Variants in IKBKB-DT observed in about 807,000 individuals in gnomAD.
IKBKB-DT encodes IKBKB antisense RNA.
chr8:42,252,944 C>A (rs1020860298), intron 3 of IKBKB-DT, among the ~76,000 whole-genome samples: 1 of 152,120 alleles, frequency 6.6e-6, no homozygotes, highest in Non-Finnish European at 1.5e-5. Context: ...TGTTTCTTTG[C>A]CATATTTTGA....
intron 3 of IKBKB-DT, among the ~76,000 whole-genome samples, chr8:42,234,739 C>T (rs935315322): frequency 2.0e-5 from 3 of 152,098 alleles, no homozygotes; most frequent in East Asian, 1.9e-4. Flanking sequence ...AAGCAATTTT[C>T]GTGCCTCAGC....
At chr8:42,248,546 A>G (rs916867145) in intron 3 of IKBKB-DT, among the ~76,000 whole-genome samples, 7 of 152,168 alleles carry the variant, frequency 4.6e-5, no homozygotes, top group Admixed American at 4.6e-4. Context: ...CATTTTCCAT[A>G]ATGCAATTTG....
At chr8:42,248,296 G>GTA (rs1190355167) in intron 3 of IKBKB-DT, among the ~76,000 whole-genome samples, 1 of 152,070 alleles carries the variant, frequency 6.6e-6, no homozygotes, top group East Asian at 1.9e-4. Context: ...ACCTCCTGGT[G>GTA]TACAGCCTGA....
At chr8:42,235,204 T>C (rs1585457570) in intron 3 of IKBKB-DT, among the ~76,000 whole-genome samples, 3 of 132,826 alleles carry the variant, frequency 2.3e-5, no homozygotes, top group Admixed American at 7.1e-5. Context: ...TCTTTTATTT[T>C]CTTTTTTTTT....
chr8:42,268,129 A>AT (rs541093630), intron 1 of IKBKB-DT, among the ~76,000 whole-genome samples: 15,913 of 130,342 alleles, frequency 0.12, 1,628 homozygotes, highest in African/African-American at 0.28. Context: ...GTGCTCAATA[A>AT]TTTTTTTTTT....
chr8:42,261,204 G>C (rs924250057), intron 3 of IKBKB-DT, among the ~76,000 whole-genome samples: 1 of 152,210 alleles, frequency 6.6e-6, no homozygotes, highest in Non-Finnish European at 1.5e-5. Context: ...GTGTACACCT[G>C]TAGTCCCAGT....
chr8:42,266,354 A>AAG (rs2129936843), exon 2 of IKBKB-DT: 1 of 152,324 alleles, frequency 6.6e-6, no homozygotes, highest in Non-Finnish European at 1.5e-5. Context: ...TACAGAAAAC[A>AAG]ATTCTTTCTT....
At chr8:42,251,129 G>A (rs1807124310) in intron 3 of IKBKB-DT, among the ~76,000 whole-genome samples, 1 of 152,134 alleles carries the variant, frequency 6.6e-6, no homozygotes, top group South Asian at 2.1e-4. Context: ...GTTAGAAATA[G>A]ATCATCGGTG....
At position 42,239,614 on chromosome 8, in the gene IKBKB-DT, T is replaced by TTTTATATATATATATATATATATATA. The variant is rs1554502579; in HGVS notation, n.1530-5756_1530-5755insTATATATATATATATATATATATAAA. ...CCAACCAATTTTTGTAAAAGGCAATTTATATATATATATATATATATTTAT... is the reference window on the plus strand; with the variant it reads ...CCAACCAATTTTTGTAAAAGGCAATTTTTATATATATATATATATATATATATATATATATATATATATATATTTAT... On this transcript the variant is annotated intron_variant and non_coding_transcript_variant, in intron 3 of 3. Transcript: ENST00000518213. Among the ~76,000 whole-genome samples, 73 of 19,796 alleles carry TTTTATATATATATATATATATATATA rather than the reference T, an allele frequency of 3.7e-3. 3 individuals carry two copies. The highest frequency in any genetic ancestry group is 6.6e-3 in the Admixed American group (8 of 1,210). 13.0% of individuals were successfully genotyped at this position (19,796 alleles called of 152,430 possible). A position where few individuals can be genotyped will look rare whatever the true frequency, so the allele number is the denominator to read the frequency against.
chr8:42,236,476 A>G (rs1321494137), intron 3 of IKBKB-DT, among the ~76,000 whole-genome samples: 1 of 152,220 alleles, frequency 6.6e-6, no homozygotes, highest in Non-Finnish European at 1.5e-5. Flanking sequence ...ATTAAAATAA[A>G]TCACAGGGGC....
intron 3 of IKBKB-DT, among the ~76,000 whole-genome samples, chr8:42,259,686 G>A (rs921749786): frequency 6.6e-6 from 1 of 152,076 alleles, no homozygotes; most frequent in Non-Finnish European, 1.5e-5. Flanking sequence ...TTGCAATAAA[G>A]TACGAGTTTA....
intron 3 of IKBKB-DT, among the ~76,000 whole-genome samples, chr8:42,240,624 CAAAAAAAAAAA>C (rs1208809199): frequency 7.6e-5 from 2 of 26,398 alleles, no homozygotes; most frequent in Non-Finnish European, 1.3e-4. Context: ...GACTCAGTCT[CAAAAAAAAAAA>C]AAAAAAAAAA....
intron 3 of IKBKB-DT, among the ~76,000 whole-genome samples, chr8:42,238,662 T>G (rs1343709994): frequency 6.6e-6 from 1 of 152,202 alleles, no homozygotes. Flanking sequence ...ACATCCTTGT[T>G]GTAGAACCTA....
intron 3 of IKBKB-DT, among the ~76,000 whole-genome samples, chr8:42,252,843 T>A (rs1322126463): frequency 6.6e-6 from 1 of 152,248 alleles, no homozygotes; most frequent in Non-Finnish European, 1.5e-5. Flanking sequence ...CAGATGGGTT[T>A]TATTTAACCC....
intron 3 of IKBKB-DT, among the ~76,000 whole-genome samples, chr8:42,240,650 A>G (rs943271009): frequency 6.7e-6 from 1 of 148,908 alleles, no homozygotes; most frequent in Non-Finnish European, 1.5e-5. Context: ...AAAAAAAAAA[A>G]GAGCAAGTAA....
In IKBKB-DT at chr8:42,268,772, G is replaced by A. The variant is rs1485173314; in HGVS notation, n.603+1879C>T. Among the ~76,000 whole-genome samples the A allele has an allele frequency of 2.0e-5, 3 of 151,678 alleles. No homozygotes were observed. The East Asian group carries it at 5.9e-4, about 30-fold the overall frequency. On this transcript the variant is annotated intron_variant and non_coding_transcript_variant, in intron 1 of 3. Coordinates refer to ENST00000518213, the Ensembl canonical transcript of IKBKB-DT. ...CGTAGAGACGTGGTTTCACCATGTT[G>A]GCCAGGCTGGTCTCAAATTCCTGAC... is the stretch of plus-strand genomic sequence containing the variant.
At chr8:42,253,399 T>C (rs1807154647) in intron 3 of IKBKB-DT, among the ~76,000 whole-genome samples, 1 of 152,218 alleles carries the variant, frequency 6.6e-6, no homozygotes, top group Admixed American at 6.5e-5. Flanking sequence ...AGAGTCTGAC[T>C]CTTCATCGAT....
chr8:42,258,313 T>C (rs952065203), intron 3 of IKBKB-DT, among the ~76,000 whole-genome samples: 9 of 152,046 alleles, frequency 5.9e-5, no homozygotes, highest in East Asian at 5.8e-4. Flanking sequence ...AGGGTTTTTT[T>C]TGTTTTATTT....
rs894874177 is a variant in IKBKB-DT, at chr8:42,266,524, A to T, written n.604-128T>A. On this transcript the variant is annotated intron_variant and non_coding_transcript_variant, in intron 1 of 3. Coordinates refer to ENST00000518213, the Ensembl canonical transcript of IKBKB-DT. Reference sequence around the variant, plus strand: ...AAATTTAACAGTGCTCAGAAACCTTATCCTTATCACTAGTACTGCCAGAAG... The same window carrying T: ...AAATTTAACAGTGCTCAGAAACCTTTTCCTTATCACTAGTACTGCCAGAAG... 15 of 152,398 alleles carry T rather than the reference A, an allele frequency of 9.8e-5. 1 individual carries two copies. 9.4% of individuals were successfully genotyped at this position (152,398 alleles called of 1,614,324 possible). A position where few individuals can be genotyped will look rare whatever the true frequency, so the allele number is the denominator to read the frequency against.
Sources: gnomAD v4.1 joint callset for allele counts (sites outside exome capture counted in the v4.1 genomes callset) on GRCh38, gnomAD v4.1.1 for gene constraint, MANE v1.5 for transcripts, NCBI Gene and HGNC (gene_info 2026-07-23, HGNC 2026-07-21) for gene names.